Variants in ARHGAP29 observed in about 807,000 individuals in gnomAD.
The protein encoded by ARHGAP29 is Rho GTPase activating protein 29.
A neutral mutation model predicts 122.6 loss-of-function variants in ARHGAP29; 43 were observed. The observed-to-expected ratio is 0.35, with a 90% CI of 0.27 to 0.45. The LOEUF (loss-of-function observed/expected upper bound fraction) is 0.45, where lower values mean the gene tolerates loss of function less well. Ranked by LOEUF, ARHGAP29 falls within the 20% of genes least tolerant of loss-of-function variation. The pLI is 1.00. For missense variants in ARHGAP29, 1,303 were observed against 1,477.2 expected, an observed-to-expected ratio of 0.88 and a Z score of 1.93; for synonymous variants, 506 against 497.1, an observed-to-expected ratio of 1.02 and a Z score of -0.24.
Position 94,227,225 on chromosome 1 carries a change from TA to T in ARHGAP29, c.205+4181del, listed in dbSNP as rs563497757. ...CATACTACTTCCGACTATAGTCCTG[TA>T]AAAACAATTCATCAGAAGCTATCAC... On this transcript the variant is annotated intron_variant, in intron 2 of 22. Coordinates refer to ENST00000260526, the MANE Select transcript of ARHGAP29 (RefSeq NM_004815.4). Among the ~76,000 whole-genome samples the T allele has an allele frequency of 2.8e-3, 420 of 151,926 alleles. 5 individuals carry two copies. The highest frequency in any genetic ancestry group is 9.6e-3 in the African/African-American group (398 of 41,528).
the ARHGAP29 span, among the ~76,000 whole-genome samples, chr1:94,314,233 A>C: frequency 6.6e-6 from 1 of 152,250 alleles, no homozygotes; most frequent in African/African-American, 2.4e-5. Flanking sequence ...CATTTAAAAC[A>C]TAGCAGCCAC....
At chr1:94,277,246 G>A (rs577144024), upstream of ARHGAP29, among the ~76,000 whole-genome samples, 4 of 152,178 alleles carry the variant, frequency 2.6e-5, no homozygotes, top group Non-Finnish European at 4.4e-5. Context: ...TGCCATTCTC[G>A]GAAGATCTTG....
chr1:94,295,208 T>G, the ARHGAP29 span, among the ~76,000 whole-genome samples: 151,892 of 152,332 alleles, frequency 1, 75,731 homozygotes, highest in Middle Eastern at 1. Context: ...TCAGCATCAG[T>G]TATAGGTTAG....
At chr1:94,189,005 C>T (rs1037561703) in intron 14 of ARHGAP29, 64 bp from the exon 15 acceptor site, 3 of 1,491,328 alleles carry the variant, frequency 2.0e-6, no homozygotes, top group Admixed American at 3.6e-5. Context: ...AAAATACTGA[C>T]ATTCTATCAA....
chr1:94,286,871 C>T, the ARHGAP29 span, among the ~76,000 whole-genome samples: 1 of 152,202 alleles, frequency 6.6e-6, no homozygotes, highest in Non-Finnish European at 1.5e-5. Context: ...AAAACTCAAA[C>T]TGCATTTTCC....
chr1:94,313,268 C>A, the ARHGAP29 span, among the ~76,000 whole-genome samples: 1 of 152,198 alleles, frequency 6.6e-6, no homozygotes, highest in Non-Finnish European at 1.5e-5. Flanking sequence ...TGGCTTGCTT[C>A]TTCCTCTCAT....
At chr1:94,291,164 A>G in the ARHGAP29 span, among the ~76,000 whole-genome samples, 7 of 152,240 alleles carry the variant, frequency 4.6e-5, no homozygotes, top group South Asian at 2.1e-4. Context: ...TCCCTTTACC[A>G]TTATGTAATG....
intron 5 of ARHGAP29, among the ~76,000 whole-genome samples, 155 bp from the exon 6 acceptor site, chr1:94,205,838 A>G (rs12077584): frequency 0.093 from 14,153 of 152,254 alleles, 990 homozygotes; most frequent in African/African-American, 0.19. Flanking sequence ...TTTAAGTGCC[A>G]GAACACTTCA....
chr1:94,220,476 A>C, intron 2 of ARHGAP29, 84 bp from the exon 3 acceptor site: 11 of 1,241,428 alleles, frequency 8.9e-6, no homozygotes, highest in African/African-American at 1.5e-5. Context: ...AGCACATTTC[A>C]AGTAGAAGCA....
At chr1:94,225,155 A>C (rs1326227154) in intron 2 of ARHGAP29, among the ~76,000 whole-genome samples, 1 of 152,162 alleles carries the variant, frequency 6.6e-6, no homozygotes, top group Non-Finnish European at 1.5e-5. Context: ...CTGCATCATA[A>C]ATGGTTTAAA....
the ARHGAP29 span, among the ~76,000 whole-genome samples, chr1:94,281,846 C>T: frequency 1.3e-5 from 2 of 151,876 alleles, no homozygotes; most frequent in African/African-American, 4.8e-5. Context: ...TATTTTTTTC[C>T]CTTGGGGATG....
chr1:94,234,666 C>T (rs1653138090), intron 1 of ARHGAP29, among the ~76,000 whole-genome samples: 1 of 152,138 alleles, frequency 6.6e-6, no homozygotes, highest in African/African-American at 2.4e-5. Flanking sequence ...AATTTTTGAG[C>T]ATTATTATTA....
At chr1:94,194,078 T>TA (rs1473002802) in intron 12 of ARHGAP29, 2 of 152,178 alleles carry the variant, frequency 1.3e-5, no homozygotes, top group Non-Finnish European at 2.9e-5. Flanking sequence ...AAGTAGACTG[T>TA]AAAAAAATTA....
intron 19 of ARHGAP29, among the ~76,000 whole-genome samples, chr1:94,180,621 C>G (rs1401912655): frequency 1.3e-5 from 2 of 152,130 alleles, no homozygotes; most frequent in East Asian, 1.9e-4. Flanking sequence ...GTGCCCCTTT[C>G]TCTGGTTTCC....
intron 12 of ARHGAP29, chr1:94,191,168 T>C (rs1048099469): frequency 1.3e-5 from 2 of 152,200 alleles, no homozygotes; most frequent in Admixed American, 6.5e-5. Context: ...ATCTGAACTA[T>C]GGCAAGGTGT....
At chr1:94,187,589 G>A (rs1420488571) in intron 15 of ARHGAP29, among the ~76,000 whole-genome samples, 1 of 152,160 alleles carries the variant, frequency 6.6e-6, no homozygotes, top group Non-Finnish European at 1.5e-5. Context: ...GTCACTTCCA[G>A]TATTTGAAGA....
chr1:94,185,200 A>T, intron 17 of ARHGAP29, 140 bp from the exon 18 acceptor site: 1 of 1,209,124 alleles, frequency 8.3e-7, no homozygotes, highest in Non-Finnish European at 1.1e-6. Context: ...ACAACAAAAT[A>T]AAATATAAAA....
chr1:94,291,514 C>T, the ARHGAP29 span, among the ~76,000 whole-genome samples: 1 of 151,994 alleles, frequency 6.6e-6, no homozygotes, highest in African/African-American at 2.4e-5. Context: ...CTGGTTATTT[C>T]ACCTGTTAAT....
intron 3 of ARHGAP29, among the ~76,000 whole-genome samples, chr1:94,215,645 G>GAA (rs1399747722): frequency 3.9e-5 from 6 of 152,046 alleles, no homozygotes; most frequent in African/African-American, 7.2e-5. Flanking sequence ...TTCAACAAAT[G>GAA]AAACCATGAA....
Sources: gnomAD v4.1 joint callset for allele counts (sites outside exome capture counted in the v4.1 genomes callset) on GRCh38, gnomAD v4.1.1 for gene constraint, MANE v1.5 for transcripts, NCBI Gene and HGNC (gene_info 2026-07-23, HGNC 2026-07-21) for gene names.